PCSK5: variants seen among roughly 807,000 people sequenced by gnomAD.
The protein encoded by PCSK5 is prohormone convertase 5.
In PCSK5, 129 loss-of-function variants were observed where a neutral mutation model predicts 233.2. The ratio of observed to expected loss-of-function variants is 0.55; its 90% CI spans 0.48 to 0.64. PCSK5 has a LOEUF of 0.64. Among genes scored for constraint, PCSK5 ranks in the 30% least tolerant of loss-of-function variants. PCSK5 has a pLI of 0.00. For synonymous variants in PCSK5, 825 were observed against 879.2 expected, an observed-to-expected ratio of 0.94 and a Z score of 1.09; for missense variants, 2,076 against 2,430.1, an observed-to-expected ratio of 0.85 and a Z score of 3.06.
At chr9:76,303,128 A>G (rs916749130) in intron 28 of PCSK5, among the ~76,000 whole-genome samples, 1 of 152,164 alleles carries the variant, frequency 6.6e-6, no homozygotes, top group Non-Finnish European at 1.5e-5. Flanking sequence ...CCCAGGCCTA[A>G]TTGCTAAGTT....
At chr9:76,047,513 T>G (rs1563994358) in intron 5 of PCSK5, among the ~76,000 whole-genome samples, 1 of 152,172 alleles carries the variant, frequency 6.6e-6, no homozygotes, top group Non-Finnish European at 1.5e-5. Context: ...ATTTAGGATA[T>G]GGAAAGGGAC....
chr9:76,356,986 T>TA (rs1470528506), intron 37 of PCSK5, among the ~76,000 whole-genome samples: 1 of 152,220 alleles, frequency 6.6e-6, no homozygotes, highest in Non-Finnish European at 1.5e-5. Context: ...CATGGCCTGA[T>TA]AGTTTTTTCT....
chr9:76,153,789 T>C (rs2131806011), intron 10 of PCSK5, among the ~76,000 whole-genome samples: 1 of 152,312 alleles, frequency 6.6e-6, no homozygotes, highest in Middle Eastern at 3.4e-3. Context: ...TTAAATAACA[T>C]TTCTCTTCTA....
intron 32 of PCSK5, among the ~76,000 whole-genome samples, chr9:76,326,123 TCAA>T (rs35567284): frequency 0.043 from 6,582 of 152,184 alleles, 162 homozygotes; most frequent in South Asian, 0.075. Context: ...ATCTGTAATC[TCAA>T]CAACACTTTG....
At chr9:76,148,709 C>T (rs1050171703) in intron 10 of PCSK5, among the ~76,000 whole-genome samples, 10 of 152,168 alleles carry the variant, frequency 6.6e-5, no homozygotes, top group Non-Finnish European at 1.3e-4. Flanking sequence ...TTGCTTCTTC[C>T]TTACCTGATC....
rs1037033171 is a variant in PCSK5, at chr9:76,189,578, C to T, written c.2511-53C>T. The T allele has an allele frequency of 1.8e-6, 2 of 1,092,052 alleles. 1 individual carries two copies. Among genetic ancestry groups the T allele is most frequent in the South Asian group, 2.6e-5 (2 of 77,614 alleles). 67.6% of individuals were successfully genotyped at this position (1,092,052 alleles called of 1,614,324 possible). A position where few individuals can be genotyped will look rare whatever the true frequency, so the allele number is the denominator to read the frequency against. On this transcript the variant is annotated intron_variant, in intron 19 of 37. Coordinates refer to ENST00000674117, the MANE Select transcript of PCSK5 (RefSeq NM_001372043.1). ...CATTATGAGGTTGCTAGTAAACACA[C>T]CTTCCCCTGTGCATGTGTGAATGGA... is the stretch of plus-strand genomic sequence containing the variant.
intron 20 of PCSK5, among the ~76,000 whole-genome samples, chr9:76,206,228 C>T (rs1198029065): frequency 1.3e-5 from 2 of 152,242 alleles, no homozygotes; most frequent in Admixed American, 6.5e-5. Context: ...ACCACCAACA[C>T]TGGTGTTAAC....
intron 3 of PCSK5, among the ~76,000 whole-genome samples, chr9:75,998,373 T>G (rs946205897): frequency 1.3e-5 from 2 of 152,178 alleles, no homozygotes; most frequent in Middle Eastern, 3.2e-3. Flanking sequence ...ACTGTGCATG[T>G]TTTTGCAATT....
chr9:75,982,852 A>G (rs1826339053), intron 2 of PCSK5, among the ~76,000 whole-genome samples: 1 of 151,758 alleles, frequency 6.6e-6, no homozygotes, highest in South Asian at 2.1e-4. Flanking sequence ...ACTTAGATAC[A>G]ATCTTGCACT....
chr9:76,000,266 T>C (rs1407498474), intron 3 of PCSK5, among the ~76,000 whole-genome samples: 1 of 152,206 alleles, frequency 6.6e-6, no homozygotes, highest in Non-Finnish European at 1.5e-5. Context: ...GCAAGTTCTA[T>C]CCCTGATATT....
intron 18 of PCSK5, 44 bp from the exon 19 acceptor site, chr9:76,189,050 C>G (rs1824238096): frequency 1.9e-6 from 3 of 1,599,630 alleles, no homozygotes; most frequent in African/African-American, 1.3e-5. Flanking sequence ...ACCACCTCCT[C>G]TGAGGTTTTA....
intron 3 of PCSK5, among the ~76,000 whole-genome samples, chr9:76,004,026 G>A (rs1332335391): frequency 4.6e-5 from 7 of 152,096 alleles, no homozygotes; most frequent in Admixed American, 4.6e-4. Context: ...TCAAGTTCCT[G>A]GCCTCAGGTG....
intron 27 of PCSK5, among the ~76,000 whole-genome samples, chr9:76,301,844 G>GA (rs11451258): frequency 0.22 from 32,389 of 149,580 alleles, 3,600 homozygotes; most frequent in Middle Eastern, 0.34. Context: ...ACTCCTCGTG[G>GA]AAAAAAAAAA....
intron 23 of PCSK5, among the ~76,000 whole-genome samples, chr9:76,240,139 C>T (rs903640175): frequency 3.9e-5 from 6 of 152,142 alleles, no homozygotes; most frequent in Admixed American, 6.5e-5. Flanking sequence ...GAATTATGCC[C>T]GGTCTGGTGC....
At chr9:76,012,493 A>G (rs1827772793) in intron 3 of PCSK5, among the ~76,000 whole-genome samples, 2 of 152,160 alleles carry the variant, frequency 1.3e-5, no homozygotes, top group Admixed American at 6.5e-5. Context: ...ATAATAAATT[A>G]TTGTTTCTGG....
At chr9:76,087,607 A>T (rs757941104) in intron 7 of PCSK5, among the ~76,000 whole-genome samples, 1 of 152,174 alleles carries the variant, frequency 6.6e-6, no homozygotes, top group African/African-American at 2.4e-5. Context: ...TAGGCTCTCT[A>T]TTTTTTTGAA....
chr9:76,282,453 G>C (rs567378167), intron 24 of PCSK5, among the ~76,000 whole-genome samples: 144 of 147,868 alleles, frequency 9.7e-4, no homozygotes, highest in Non-Finnish European at 1.5e-3. Flanking sequence ...CTGAGTAGCT[G>C]TGACTACAAG....
intron 1 of PCSK5, among the ~76,000 whole-genome samples, chr9:75,907,611 C>T (rs781109328): frequency 2.6e-5 from 4 of 152,112 alleles, no homozygotes; most frequent in Non-Finnish European, 5.9e-5. Flanking sequence ...TGACAGCACG[C>T]ACTCCGAGAG....
intron 1 of PCSK5, among the ~76,000 whole-genome samples, chr9:75,919,933 C>T (rs749027843): frequency 2.0e-5 from 3 of 152,114 alleles, no homozygotes; most frequent in South Asian, 2.1e-4. Flanking sequence ...TTTGGGAAGC[C>T]GAGGTGGGTG....
Sources: gnomAD v4.1 joint callset for allele counts (sites outside exome capture counted in the v4.1 genomes callset) on GRCh38, gnomAD v4.1.1 for gene constraint, MANE v1.5 for transcripts, NCBI Gene and HGNC (gene_info 2026-07-23, HGNC 2026-07-21) for gene names.